The following IFT46 variants were observed in gnomAD, a reference collection of about 807,000 sequenced individuals.
IFT46 encodes the protein intraflagellar transport 46.
IFT46 carries 19 observed loss-of-function variants against 39.6 expected under a neutral mutation model. The observed-to-expected ratio is 0.48, with a 90% CI of 0.33 to 0.70. The LOEUF is 0.70. Among genes scored for constraint, IFT46 ranks in the 30% least tolerant of loss-of-function variants. The pLI is 0.01. For missense variants in IFT46, 334 were observed against 364.8 expected (o/e 0.92, Z 0.69); for synonymous variants, 117 against 134.8 (o/e 0.87, Z 0.91).
At chr11:118,552,378 G>A (rs1937673051) in intron 7 of IFT46, 43 bp from the exon 8 acceptor site, 1 of 1,607,358 alleles carries the variant, frequency 6.2e-7, no homozygotes, top group African/African-American at 1.3e-5. Context: ...CACTGAAGTA[G>A]CTCTCTTGTT....
chr11:118,548,365 G>T (rs1278627561), intron 9 of IFT46, among the ~76,000 whole-genome samples: 1 of 143,422 alleles, frequency 7.0e-6, no homozygotes. Context: ...TCTCCATTAC[G>T]ACTTTTTTTT....
intron 9 of IFT46, among the ~76,000 whole-genome samples, chr11:118,549,325 A>G (rs1951766409): frequency 1.3e-5 from 2 of 151,332 alleles, no homozygotes; most frequent in Admixed American, 6.6e-5. Flanking sequence ...TACAGGTATG[A>G]GCTACCGTGC....
upstream of IFT46, among the ~76,000 whole-genome samples, chr11:118,576,101 T>C (rs556622740): frequency 7.9e-4 from 121 of 152,234 alleles, no homozygotes; most frequent in Middle Eastern, 3.4e-3. Flanking sequence ...ATCAATTAAG[T>C]GACTTATCCA....
At chr11:118,560,797 G>C (rs1387409246) in intron 2 of IFT46, 5 of 729,418 alleles carry the variant, frequency 6.9e-6, no homozygotes, top group Non-Finnish European at 1.2e-5. Flanking sequence ...AGAAATGCTT[G>C]GTGATACAGG....
chr11:118,576,018 T>TA (rs1473302236), upstream of IFT46, among the ~76,000 whole-genome samples: 1 of 151,956 alleles, frequency 6.6e-6, no homozygotes, highest in Non-Finnish European at 1.5e-5. Flanking sequence ...TGCTTAGACT[T>TA]ACAGAACTTT....
intron 9 of IFT46, chr11:118,546,809 T>TATTA (rs1951698580): frequency 6.6e-6 from 1 of 152,236 alleles, no homozygotes; most frequent in Non-Finnish European, 1.5e-5. Context: ...GGTGTTATAA[T>TATTA]GCCTAATGAT....
In IFT46 at chr11:118,554,603, G is replaced by C. The variant is rs782424109; in HGVS notation, c.355-16C>G. The stretch of plus-strand genomic sequence containing the variant: ...GACGTGGGACCTGGTTAAGAAAAAG[G>C]TAAGAAAGCAGAAAGGAAAATGTTT... On this transcript the variant is annotated splice_polypyrimidine_tract_variant and intron_variant, in intron 6 of 11. Coordinates refer to ENST00000264021, the MANE Select transcript of IFT46 (RefSeq NM_001168618.2). 2 of 1,579,598 alleles carry C rather than the reference G, an allele frequency of 1.3e-6. No homozygotes were observed. Among genetic ancestry groups the C allele is most frequent in the Non-Finnish European group, 1.7e-6 (2 of 1,169,138 alleles).
chr11:118,561,516 A>T, intron 2 of IFT46: 1 of 743,412 alleles, frequency 1.3e-6, no homozygotes, highest in Non-Finnish European at 2.4e-6. Flanking sequence ...GCTCAGAAGA[A>T]ACATCAGGTA....
intron 7 of IFT46, among the ~76,000 whole-genome samples, chr11:118,554,209 C>A (rs1205215430): frequency 1.3e-5 from 2 of 152,012 alleles, no homozygotes; most frequent in African/African-American, 4.8e-5. Flanking sequence ...CGCCACTACA[C>A]CCTGCTAATT....
In IFT46 at chr11:118,556,935, A is replaced by G; in HGVS notation, c.156T>C (p.Asp52=). The part of the protein sequence containing the change: ...SSETDSDSDD[D]DEEHGAPLEG... ...CCAGAGGGGCTCCATGCTCTTCATCATCATCATCAGAATCAGAATCAGTTT... is the reference window on the plus strand; with the variant it reads ...CCAGAGGGGCTCCATGCTCTTCATCGTCATCATCAGAATCAGAATCAGTTT... Residue 52 remains aspartate (D), a synonymous_variant, in exon 4 of 12, where the codon GAT becomes GAC. Transcript: ENST00000264021. 1 of 1,609,702 alleles carries G rather than the reference A, an allele frequency of 6.2e-7. No homozygotes were observed. The highest frequency in any genetic ancestry group is 8.5e-7 in the Non-Finnish European group (1 of 1,177,664).
Position 118,556,409 on chromosome 11 carries a change from C to T in IFT46, c.185+497G>A, listed in dbSNP as rs1343906379. 2.6e-5 allele frequency among the ~76,000 whole-genome samples: 4 copies of T among 152,070 alleles called. No individual in the cohort carries two copies. The East Asian group carries it at 5.8e-4, about 22-fold the overall frequency. On this transcript the variant is annotated intron_variant, in intron 4 of 11. Transcript: ENST00000264021. Reference sequence around the variant, plus strand: ...TCAGGAGGCTGAGGCAGGAGAATGGCGTGAACCCAGGAGGCGGAGCTTGCA... The same window carrying T: ...TCAGGAGGCTGAGGCAGGAGAATGGTGTGAACCCAGGAGGCGGAGCTTGCA...
upstream of IFT46, among the ~76,000 whole-genome samples, chr11:118,573,355 G>A (rs1344034514): frequency 6.6e-6 from 1 of 152,176 alleles, no homozygotes. Context: ...TAGCCTCCGA[G>A]ACCAGTTACT....
chr11:118,562,372 C>T (rs782329860), intron 2 of IFT46, among the ~76,000 whole-genome samples: 6 of 150,922 alleles, frequency 4.0e-5, no homozygotes, highest in Admixed American at 1.3e-4. Context: ...CCCAGGAGGT[C>T]GAGGCTGCAG....
chr11:118,575,097 G>A (rs1938458672), upstream of IFT46, among the ~76,000 whole-genome samples: 1 of 152,118 alleles, frequency 6.6e-6, no homozygotes, highest in Admixed American at 6.6e-5. Context: ...TCCTGCCTCA[G>A]CCTCCTGAGT....
chr11:118,563,425 TTA>T (rs1470108521), intron 2 of IFT46, among the ~76,000 whole-genome samples: 1 of 152,224 alleles, frequency 6.6e-6, no homozygotes, highest in African/African-American at 2.4e-5. Context: ...ATGGCAAATT[TTA>T]TGTTATGTAT....
At chr11:118,560,876 C>T (rs1345568251) in intron 2 of IFT46, 2 of 779,418 alleles carry the variant, frequency 2.6e-6, no homozygotes, top group African/African-American at 3.4e-5. Context: ...TATCATTTGT[C>T]AGACTGCTTA....
At chr11:118,566,833 T>C (rs1180555587), upstream of IFT46, among the ~76,000 whole-genome samples, 1 of 152,236 alleles carries the variant, frequency 6.6e-6, no homozygotes, top group Non-Finnish European at 1.5e-5. Flanking sequence ...ACACTAACAA[T>C]GCTCATTGGG....
At chr11:118,549,751 T>TTGACCTCA in intron 9 of IFT46, among the ~76,000 whole-genome samples, 1 of 151,410 alleles carries the variant, frequency 6.6e-6, no homozygotes, top group Non-Finnish European at 1.5e-5. Context: ...TCTCGATCTC[T>TTGACCTCA]TGACCTCATG....
intron 3 of IFT46, among the ~76,000 whole-genome samples, chr11:118,558,362 C>G (rs140198145): frequency 6.6e-6 from 1 of 152,068 alleles, no homozygotes; most frequent in Non-Finnish European, 1.5e-5. Flanking sequence ...TTTGGGAGAC[C>G]GAAGCAGGCG....
Sources: allele counts gnomAD v4.1 joint callset (sites outside exome capture counted in the v4.1 genomes callset), GRCh38; gene constraint gnomAD v4.1.1; transcripts MANE v1.5; gene names NCBI Gene and HGNC (gene_info 2026-07-23, HGNC 2026-07-21).